Variants in SDK1 observed in about 807,000 individuals in gnomAD.
SDK1 encodes the protein sidekick cell adhesion molecule 1.
A neutral mutation model predicts 245.5 loss-of-function variants in SDK1; 157 were observed. The ratio of observed to expected loss-of-function variants is 0.64; its 90% confidence interval spans 0.56 to 0.73. The LOEUF (loss-of-function observed/expected upper bound fraction) is 0.73. Among genes scored for constraint, SDK1 ranks in the 30% least tolerant of loss-of-function variants. The pLI is 0.00. For synonymous variants in SDK1, 1,647 were observed against 1,278.5 expected (o/e 1.29, Z -6.15); for missense variants, 3,583 against 3,002.3 (o/e 1.19, Z -4.52).
intron 1 of SDK1, among the ~76,000 whole-genome samples, chr7:3,487,481 C>T (rs1027136730): frequency 6.6e-5 from 10 of 152,004 alleles, no homozygotes; most frequent in Non-Finnish European, 1.5e-5. Flanking sequence ...GTGGCTCATT[C>T]TGGTAATCCC....
intron 1 of SDK1, among the ~76,000 whole-genome samples, chr7:3,331,127 G>C (rs1466017037): frequency 6.6e-6 from 1 of 152,102 alleles, no homozygotes; most frequent in African/African-American, 2.4e-5. Context: ...AGCTGGGTGT[G>C]GTGGTGTGCG....
intron 22 of SDK1, among the ~76,000 whole-genome samples, chr7:4,099,417 T>C (rs1449852936): frequency 1.4e-5 from 2 of 145,628 alleles, no homozygotes; most frequent in African/African-American, 5.1e-5. Context: ...TGCTGTGGCT[T>C]CTGAGGGAAG....
intron 5 of SDK1, among the ~76,000 whole-genome samples, chr7:3,938,001 C>T (rs1237057935): frequency 6.6e-6 from 1 of 152,136 alleles, no homozygotes; most frequent in Non-Finnish European, 1.5e-5. Context: ...CCACGCCCGG[C>T]TAATTTTGTA....
At chr7:3,748,639 C>A (rs1459572171) in intron 4 of SDK1, among the ~76,000 whole-genome samples, 1 of 152,166 alleles carries the variant, frequency 6.6e-6, no homozygotes, top group Non-Finnish European at 1.5e-5. Context: ...AATTCTAATA[C>A]ATGTTCAGTT....
At chr7:4,259,313 C>T (rs971584688) in intron 44 of SDK1, among the ~76,000 whole-genome samples, 1 of 152,124 alleles carries the variant, frequency 6.6e-6, no homozygotes, top group African/African-American at 2.4e-5. Context: ...GTGGCGGGCA[C>T]CTGTAATCCC....
At chr7:4,207,110 A>C (rs115652500) in intron 36 of SDK1, among the ~76,000 whole-genome samples, 64 of 152,366 alleles carry the variant, frequency 4.2e-4, no homozygotes, top group African/African-American at 1.4e-3. Context: ...GCAGAAGCCC[A>C]CTACATCCTG....
At chr7:3,572,371 C>T (rs1054619690) in intron 1 of SDK1, among the ~76,000 whole-genome samples, 1 of 152,002 alleles carries the variant, frequency 6.6e-6, no homozygotes, top group African/African-American at 2.4e-5. Context: ...TCAGGATCAT[C>T]CAGCCCCTCA....
chr7:3,348,829 T>C (rs1458239790), intron 1 of SDK1, among the ~76,000 whole-genome samples: 1 of 152,006 alleles, frequency 6.6e-6, no homozygotes, highest in Non-Finnish European at 1.5e-5. Flanking sequence ...CAGCAAACAG[T>C]GAATAGAGGA....
At chr7:3,982,558 G>C (rs1195077570) in intron 13 of SDK1, among the ~76,000 whole-genome samples, 2 of 152,132 alleles carry the variant, frequency 1.3e-5, no homozygotes, top group South Asian at 2.1e-4. Context: ...GAATGTTTGT[G>C]GGCTGGGCGC....
At chr7:4,222,735 C>T (rs911002555) in intron 40 of SDK1, among the ~76,000 whole-genome samples, 8 of 152,180 alleles carry the variant, frequency 5.3e-5, no homozygotes, top group Non-Finnish European at 1.2e-4. Context: ...TTGAGCAGGG[C>T]GTCTGTCCTG....
At chr7:4,210,678 A>C (rs1784466610) in intron 38 of SDK1, among the ~76,000 whole-genome samples, 2 of 152,146 alleles carry the variant, frequency 1.3e-5, no homozygotes, top group South Asian at 4.1e-4. Context: ...CTCCTGTTCT[A>C]CATGCTGGAA....
intron 1 of SDK1, among the ~76,000 whole-genome samples, chr7:3,460,714 A>G (rs890603467): frequency 1.3e-5 from 2 of 152,156 alleles, no homozygotes; most frequent in African/African-American, 4.8e-5. Flanking sequence ...TTGTTTAATC[A>G]TTGGGAATGA....
chr7:3,418,018 A>G (rs890604282), intron 1 of SDK1, among the ~76,000 whole-genome samples: 7 of 152,024 alleles, frequency 4.6e-5, no homozygotes, highest in African/African-American at 1.5e-4. Context: ...CTTGAGTTTT[A>G]CTAACTCAGT....
Position 3,603,962 on chromosome 7 carries a change from C to T in SDK1, c.299-15118C>T, listed in dbSNP as rs547304151. Among the ~76,000 whole-genome samples the T allele has an allele frequency of 2.3e-4, 35 of 152,218 alleles. No individual in the cohort carries two copies. The East Asian group carries it at 6.8e-3, about 29-fold the overall frequency. ...AATCATGTGGTTTTTGTCTTTGGTT[C>T]TGTTTATATGCTGGATTACCTTTAT... On this transcript the variant is annotated intron_variant, in intron 1 of 44. Transcript: ENST00000404826.
At chr7:3,709,854 T>C (rs1358970717) in intron 4 of SDK1, among the ~76,000 whole-genome samples, 1 of 152,252 alleles carries the variant, frequency 6.6e-6, no homozygotes, top group Non-Finnish European at 1.5e-5. Flanking sequence ...CTCCTCCTGC[T>C]GTTTGTCATC....
intron 4 of SDK1, among the ~76,000 whole-genome samples, chr7:3,786,232 T>C (rs1302029293): frequency 6.6e-6 from 1 of 152,206 alleles, no homozygotes; most frequent in Non-Finnish European, 1.5e-5. Context: ...TTGGATGACT[T>C]AAAGTGCAGC....
intron 4 of SDK1, among the ~76,000 whole-genome samples, chr7:3,664,306 C>T (rs1392746864): frequency 1.3e-5 from 2 of 152,076 alleles, no homozygotes; most frequent in African/African-American, 2.4e-5. Context: ...GTTAATTACC[C>T]CACAACTCAG....
chr7:4,219,499 A>G (rs117400631), intron 38 of SDK1, among the ~76,000 whole-genome samples: 2,489 of 152,350 alleles, frequency 0.016, 32 homozygotes, highest in Non-Finnish European at 0.025. Context: ...AGAACCTCCC[A>G]TTTATAAAAC....
intron 25 of SDK1, 37 bp from the exon 26 acceptor site, chr7:4,127,344 A>G: frequency 6.7e-7 from 1 of 1,498,710 alleles, no homozygotes. Flanking sequence ...GACACTCTAG[A>G]TTTTGGATGC....
Sources: gnomAD v4.1 joint callset for allele counts (sites outside exome capture counted in the v4.1 genomes callset) on GRCh38, gnomAD v4.1.1 for gene constraint, MANE v1.5 for transcripts, NCBI Gene and HGNC (gene_info 2026-07-23, HGNC 2026-07-21) for gene names.